The following MYO5B variants were observed in gnomAD, a reference collection of about 807,000 sequenced individuals.
MYO5B encodes unconventional myosin-Vb.
MYO5B carries 143 observed loss-of-function variants against 229.3 expected under a neutral mutation model. The ratio of observed to expected loss-of-function variants is 0.62; its 90% CI spans 0.54 to 0.72. MYO5B has a LOEUF of 0.72. Among genes scored for constraint, MYO5B ranks in the 30% least tolerant of loss-of-function variants. The pLI is 0.00. For synonymous variants in MYO5B, 918 were observed against 885.2 expected (o/e 1.04, Z -0.66); for missense variants, 2,321 against 2,331.0 (o/e 1.00, Z 0.09).
chr18:49,864,281 C>T lies in MYO5B; in HGVS notation c.3703G>A (p.Gly1235Ser), dbSNP rs1213413329. The T allele has an allele frequency of 1.2e-6, 2 of 1,614,186 alleles. No homozygotes were observed. The highest frequency in any genetic ancestry group is 8.5e-7 in the Non-Finnish European group (1 of 1,180,046). Residue 1235 changes from glycine (G) to serine (S), a missense_variant, in exon 28 of 40, where the codon GGC becomes AGC. By Grantham distance (56) the Gly-to-Ser change is moderately conservative. This residue lies in a region of MYO5B where 2,113 missense variants were observed against 2,044.7 expected (regional missense o/e 1.03). Coordinates refer to ENST00000285039, the MANE Select transcript of MYO5B (RefSeq NM_001080467.3). ...DQATQNNSSH[G>S]SPDSYSLLLN... ...AGGAGGCTGTAGCTATCTGGGGAGC[C>T]GTGGCTGGAGTTATTCTGCGTGGCT...
At position 50,178,878 on chromosome 18, in the gene MYO5B, T is replaced by C. The variant is rs531724555; in HGVS notation, c.27+15889A>G. Among the ~76,000 whole-genome samples, 48 of 152,280 alleles carry C rather than the reference T, an allele frequency of 3.2e-4. No individual in the cohort carries two copies. In the South Asian group the frequency reaches 9.5e-3, roughly 30 times the overall value. On this transcript the variant is annotated intron_variant, in intron 1 of 39. Coordinates refer to ENST00000285039, the MANE Select transcript of MYO5B (RefSeq NM_001080467.3). ...GTTTGGTTTCACACTGCCAGTCAGA[T>C]TTCAGGGATGTTAACACAGTGGGCC...
At chr18:49,933,387 T>C (rs1598892658) in intron 16 of MYO5B, among the ~76,000 whole-genome samples, 1 of 152,232 alleles carries the variant, frequency 6.6e-6, no homozygotes, top group Admixed American at 6.5e-5. Context: ...TGACAGACAA[T>C]TCCTTAAGCA....
At position 49,990,472 on chromosome 18, in the gene MYO5B, C is replaced by A. The variant is rs763627060; in HGVS notation, c.805G>T (p.Ala269Ser). The change falls in exon 7 of 40, where the codon GCC becomes TCC. Residue 269 changes from alanine (A) to serine (S), a missense_variant. Around this residue, in one of 2 missense-constraint regions of MYO5B, gnomAD observed 2,113 missense variants for 2,044.7 expected, o/e 1.03. Transcript: ENST00000285039. Reference sequence around the variant, plus strand: ...AGCTCTTTAAATTCTGGAAGACCGGCAGCAGCACAGAGCTGGTAAAAGATG... The same window carrying A: ...AGCTCTTTAAATTCTGGAAGACCGGAAGCAGCACAGAGCTGGTAAAAGATG... ...YHIFYQLCAA[A>S]GLPEFKELAL... 1.2e-6 allele frequency: 2 copies of A among 1,613,938 alleles called. No homozygotes were observed. The highest frequency in any genetic ancestry group is 2.2e-5 in the South Asian group (2 of 91,066).
intron 19 of MYO5B, among the ~76,000 whole-genome samples, chr18:49,905,843 G>T (rs976674007): frequency 2.0e-5 from 3 of 152,154 alleles, no homozygotes; most frequent in Non-Finnish European, 4.4e-5. Flanking sequence ...CCCTGCAGTA[G>T]TTTCTTCTGC....
At chr18:50,167,023 C>G (rs571324719) in intron 1 of MYO5B, among the ~76,000 whole-genome samples, 7 of 152,302 alleles carry the variant, frequency 4.6e-5, no homozygotes, top group African/African-American at 1.7e-4. Flanking sequence ...TAAAGAGAGA[C>G]TCCCCTGGAA....
At position 49,980,456 on chromosome 18, in the gene MYO5B, G is replaced by C; in HGVS notation, c.1044C>G (p.Ser348=). 1 of 1,610,350 alleles carries C rather than the reference G, an allele frequency of 6.2e-7. No individual in the cohort carries two copies. Among genetic ancestry groups the C allele is most frequent in the Non-Finnish European group, 8.5e-7 (1 of 1,176,682 alleles). The change falls in exon 9 of 40, where the codon TCC becomes TCG. Residue 348 remains serine (S), a synonymous_variant. Coordinates refer to ENST00000285039, the MANE Select transcript of MYO5B (RefSeq NM_001080467.3). ...VAIQAERDGD[S]CSISPQDVYL... ...GTGTGCAACTTACTGATATACTACAGGAATCACCATCACGCTCAGCCTGAA... is the reference window on the plus strand; with the variant it reads ...GTGTGCAACTTACTGATATACTACACGAATCACCATCACGCTCAGCCTGAA...
At chr18:49,921,710 G>C (rs948977062) in intron 17 of MYO5B, among the ~76,000 whole-genome samples, 1 of 152,142 alleles carries the variant, frequency 6.6e-6, no homozygotes, top group Non-Finnish European at 1.5e-5. Flanking sequence ...TTTGGGGAAG[G>C]GGGGTAAGAA....
intron 10 of MYO5B, among the ~76,000 whole-genome samples, chr18:49,965,427 ACTT>A (rs988846153): frequency 8.0e-5 from 12 of 150,218 alleles, no homozygotes; most frequent in East Asian, 2.0e-4. Context: ...ATTCACACAC[ACTT>A]CTTTTCATAC....
At chr18:50,174,123 A>G (rs751510289) in intron 1 of MYO5B, among the ~76,000 whole-genome samples, 1 of 152,198 alleles carries the variant, frequency 6.6e-6, no homozygotes, top group African/African-American at 2.4e-5. Flanking sequence ...GCCTGTGGAC[A>G]TGGGAGCCCT....
At chr18:50,162,062 G>A (rs947702364) in intron 1 of MYO5B, among the ~76,000 whole-genome samples, 1 of 152,242 alleles carries the variant, frequency 6.6e-6, no homozygotes, top group African/African-American at 2.4e-5. Flanking sequence ...CTCAGTAGTG[G>A]TATTTCCCAG....
chr18:50,040,340 A>C, intron 2 of MYO5B, 26 bp from the exon 3 acceptor site: 1 of 1,610,514 alleles, frequency 6.2e-7, no homozygotes, highest in East Asian at 2.2e-5. Context: ...TAGCAGACAC[A>C]AAAAGGTGGT....
At position 49,884,015 on chromosome 18, in the gene MYO5B, A is replaced by C. The variant is rs77543676; in HGVS notation, c.3046-3560T>G. On this transcript the variant is annotated intron_variant, in intron 22 of 39. Coordinates refer to ENST00000285039, the MANE Select transcript of MYO5B (RefSeq NM_001080467.3). ...CTAAAACTATAAAACTCTCAGAAGA[A>C]AACATGGCAACAAATCTTTGTGACC... Among the ~76,000 whole-genome samples the C allele has an allele frequency of 6.1e-3, 929 of 152,206 alleles. 10 individuals carry two copies. The highest frequency in any genetic ancestry group is 0.017 in the African/African-American group (701 of 41,528).
rs764701515 is a variant in MYO5B, at chr18:49,826,429, T to G, written c.*42A>C. The stretch of plus-strand genomic sequence containing the variant: ...TACTTTACTGTATATACTTCCTTCT[T>G]GCTCACATTGGGAATCAAACTAATG... On this transcript the variant is annotated 3_prime_UTR_variant, in exon 40 of 40. Coordinates refer to ENST00000285039, the MANE Select transcript of MYO5B (RefSeq NM_001080467.3). 1.1e-4 allele frequency: 184 copies of G among 1,609,506 alleles called. No homozygotes were observed. Among genetic ancestry groups the G allele is most frequent in the Non-Finnish European group, 1.5e-4 (172 of 1,176,352 alleles).
intron 16 of MYO5B, among the ~76,000 whole-genome samples, chr18:49,934,518 G>A (rs902132272): frequency 8.5e-5 from 13 of 152,206 alleles, no homozygotes; most frequent in Admixed American, 2.0e-4. Context: ...TCTGATGAGG[G>A]AAAGGCCCAA....
intron 1 of MYO5B, among the ~76,000 whole-genome samples, chr18:50,122,634 GGAGAGAGA>G (rs778675940): frequency 5.4e-4 from 5 of 9,258 alleles, no homozygotes; most frequent in African/African-American, 1.8e-3. Context: ...GAAGGGGGGG[GGAGAGAGA>G]GAGAGAGAGA....
At chr18:49,971,695 G>C (rs2025694101) in intron 10 of MYO5B, among the ~76,000 whole-genome samples, 1 of 152,082 alleles carries the variant, frequency 6.6e-6, no homozygotes, top group African/African-American at 2.4e-5. Context: ...CCATATTTAG[G>C]GCATGTATGT....
At chr18:50,105,647 CT>C (rs2031745486) in intron 1 of MYO5B, among the ~76,000 whole-genome samples, 1 of 145,944 alleles carries the variant, frequency 6.9e-6, no homozygotes, top group Non-Finnish European at 1.5e-5. Flanking sequence ...TTTTTTTTTT[CT>C]TTTTTGCAGT....
intron 1 of MYO5B, among the ~76,000 whole-genome samples, chr18:50,090,693 T>A (rs945932125): frequency 6.6e-6 from 1 of 152,166 alleles, no homozygotes; most frequent in African/African-American, 2.4e-5. Context: ...GCAGAAGAGT[T>A]CCCTAGCACT....
Position 49,906,306 on chromosome 18 carries a change from C to T in MYO5B, c.2414+113G>A, listed in dbSNP as rs983628176. ...AAAAGCCAAGATGCAGACATGGCCC[C>T]AACAGGAACCACTCTCAGCACAGAG... On this transcript the variant is annotated intron_variant, in intron 19 of 39. Coordinates refer to ENST00000285039, the MANE Select transcript of MYO5B (RefSeq NM_001080467.3). 4 of 1,087,130 alleles carry T rather than the reference C, an allele frequency of 3.7e-6. No homozygotes were observed. In the African/African-American group the frequency reaches 4.7e-5, roughly 13 times the overall value. The allele number at this position is 1,087,130 out of a possible 1,614,324, so 67.3% of individuals were successfully genotyped here. A position where few individuals can be genotyped will look rare whatever the true frequency, so the allele number is the denominator to read the frequency against.
Sources: allele counts gnomAD v4.1 joint callset (sites outside exome capture counted in the v4.1 genomes callset), GRCh38; gene constraint gnomAD v4.1.1; regional missense constraint gnomAD v4.1.1; transcripts MANE v1.5; gene names NCBI Gene and HGNC (gene_info 2026-07-23, HGNC 2026-07-21).